Variants in ATRNL1 observed in about 807,000 individuals in gnomAD.
ATRNL1 encodes attractin like 1.
ATRNL1 carries 95 observed loss-of-function variants against 182.7 expected under a neutral mutation model. The ratio of observed to expected loss-of-function variants is 0.52; its 90% CI spans 0.44 to 0.62. The LOEUF (loss-of-function observed/expected upper bound fraction) is 0.62. ATRNL1 is among the 20% of genes least tolerant of loss of function. The pLI is 0.00. For missense variants in ATRNL1, 1,471 were observed against 1,679.5 expected (o/e 0.88, Z 2.17); for synonymous variants, 576 against 568.3 (o/e 1.01, Z -0.19).
At chr10:115,805,573 A>C (rs1949902379) in intron 27 of ATRNL1, among the ~76,000 whole-genome samples, 1 of 150,604 alleles carries the variant, frequency 6.6e-6, no homozygotes, top group Non-Finnish European at 1.5e-5. Context: ...CTAAGAGTTC[A>C]GTGAGAAGAG....
chr10:115,497,363 A>G (rs1320170338), intron 24 of ATRNL1, among the ~76,000 whole-genome samples: 2 of 152,170 alleles, frequency 1.3e-5, no homozygotes, highest in East Asian at 3.9e-4. Context: ...GCAGAGTGCA[A>G]AAAGCCTGTG....
chr10:115,635,167 T>C (rs1231453086), intron 26 of ATRNL1, among the ~76,000 whole-genome samples: 4 of 152,254 alleles, frequency 2.6e-5, no homozygotes, highest in African/African-American at 7.2e-5. Flanking sequence ...TAAGAACTTA[T>C]CTTCGTCAAA....
At chr10:115,658,090 C>CTTTTT (rs71010038) in intron 26 of ATRNL1, among the ~76,000 whole-genome samples, 36 of 90,280 alleles carry the variant, frequency 4.0e-4, no homozygotes, top group African/African-American at 5.6e-4. Flanking sequence ...AATTTTTTTC[C>CTTTTT]TTTTTTTTTT....
At chr10:115,623,696 A>T (rs1051435484) in intron 26 of ATRNL1, among the ~76,000 whole-genome samples, 6 of 152,168 alleles carry the variant, frequency 3.9e-5, no homozygotes, top group Non-Finnish European at 8.8e-5. Context: ...CAGTTTTTTT[A>T]AAAATACTAA....
chr10:115,822,816 G>A (rs1950335719), intron 27 of ATRNL1, among the ~76,000 whole-genome samples: 1 of 152,012 alleles, frequency 6.6e-6, no homozygotes, highest in African/African-American at 2.4e-5. Context: ...AAAAGCCCAG[G>A]ACCAGATGGG....
chr10:115,349,154 C>G (rs1856113744), intron 19 of ATRNL1, among the ~76,000 whole-genome samples: 1 of 152,186 alleles, frequency 6.6e-6, no homozygotes, highest in Non-Finnish European at 1.5e-5. Flanking sequence ...CCATTTCATT[C>G]ACTACCTCCA....
chr10:115,840,679 A>G (rs1589588412), intron 27 of ATRNL1, among the ~76,000 whole-genome samples: 1 of 152,076 alleles, frequency 6.6e-6, no homozygotes, highest in Non-Finnish European at 1.5e-5. Flanking sequence ...CTCAATGCTT[A>G]AAAAGGAAAA....
chr10:115,431,580 A>T (rs1464730794), intron 21 of ATRNL1, among the ~76,000 whole-genome samples: 1 of 151,980 alleles, frequency 6.6e-6, no homozygotes, highest in Non-Finnish European at 1.5e-5. Context: ...TTTTTTATTT[A>T]TTCCCTTTAC....
intron 27 of ATRNL1, among the ~76,000 whole-genome samples, chr10:115,729,993 A>C (rs943002915): frequency 3.3e-5 from 5 of 151,664 alleles, no homozygotes; most frequent in African/African-American, 1.2e-4. Flanking sequence ...ATGGTGGCTC[A>C]CTCCTGTAAT....
chr10:115,661,699 C>A (rs1555037815), intron 26 of ATRNL1, among the ~76,000 whole-genome samples: 1 of 152,140 alleles, frequency 6.6e-6, no homozygotes. Flanking sequence ...AACTTAAGAT[C>A]AGAAGTAATC....
At chr10:115,102,643 C>T (rs1474931367) in intron 1 of ATRNL1, among the ~76,000 whole-genome samples, 3 of 151,898 alleles carry the variant, frequency 2.0e-5, no homozygotes, top group Non-Finnish European at 4.4e-5. Context: ...GAGGTTTTGC[C>T]ATGTTGGCCA....
At chr10:115,840,328 T>A (rs12249845) in intron 27 of ATRNL1, among the ~76,000 whole-genome samples, 1 of 152,156 alleles carries the variant, frequency 6.6e-6, no homozygotes, top group East Asian at 1.9e-4. Flanking sequence ...AAAAATATGG[T>A]CTATGTCCTC....
At chr10:115,836,361 T>C (rs1295385910) in intron 27 of ATRNL1, among the ~76,000 whole-genome samples, 2 of 152,206 alleles carry the variant, frequency 1.3e-5, no homozygotes, top group Admixed American at 1.3e-4. Context: ...TTGGCCATTC[T>C]GTTGAAGGTT....
In ATRNL1 at chr10:115,882,383, G is replaced by A. The variant is rs572614593; in HGVS notation, c.4018+34392G>A. ...CTGCCTAAATAAGTGGCCTTAAGAC[G>A]CCCCTAACCCAGGTTCTGACACCCA... On this transcript the variant is annotated intron_variant, in intron 28 of 28. Transcript: ENST00000355044. 3.9e-5 allele frequency among the ~76,000 whole-genome samples: 6 copies of A among 152,240 alleles called. No homozygotes were observed. In the East Asian group the frequency reaches 7.7e-4, roughly 20 times the overall value.
chr10:115,538,067 T>C (rs1360858123), intron 25 of ATRNL1, among the ~76,000 whole-genome samples: 1 of 152,246 alleles, frequency 6.6e-6, no homozygotes, highest in Non-Finnish European at 1.5e-5. Flanking sequence ...TATTTCATTA[T>C]ATGGATATAT....
chr10:115,356,173 A>G (rs950023975), intron 19 of ATRNL1, among the ~76,000 whole-genome samples: 5 of 152,072 alleles, frequency 3.3e-5, no homozygotes, highest in African/African-American at 7.2e-5. Context: ...ATTCTCACAC[A>G]TTGTAGATTA....
intron 26 of ATRNL1, among the ~76,000 whole-genome samples, chr10:115,585,387 T>C (rs1207044363): frequency 2.6e-5 from 3 of 115,992 alleles, no homozygotes; most frequent in Non-Finnish European, 3.7e-5. Context: ...GGAGTCTAAG[T>C]CTCTTTGTAG....
chr10:115,366,576 G>T lies in ATRNL1; in HGVS notation c.3176-28083G>T, dbSNP rs1207651542. On this transcript the variant is annotated intron_variant, in intron 19 of 28. Transcript: ENST00000355044. ...TCCTGTCATTATGATGTTAGCTGGTGATTTTGCTCGTTAGTTGATGCAGTT... is the reference window on the plus strand; with the variant it reads ...TCCTGTCATTATGATGTTAGCTGGTTATTTTGCTCGTTAGTTGATGCAGTT... Among the ~76,000 whole-genome samples, 737 of 150,250 alleles carry T rather than the reference G, an allele frequency of 4.9e-3. 6 individuals carry two copies. Among genetic ancestry groups the T allele is most frequent in the African/African-American group, 0.016 (643 of 40,808 alleles).
chr10:115,401,996 G>A (rs1844587912), intron 20 of ATRNL1, among the ~76,000 whole-genome samples: 2 of 152,090 alleles, frequency 1.3e-5, no homozygotes, highest in African/African-American at 4.8e-5. Context: ...TATCTCTTAA[G>A]AGGTATCTCA....
Sources: allele counts gnomAD v4.1 joint callset (sites outside exome capture counted in the v4.1 genomes callset), GRCh38; gene constraint gnomAD v4.1.1; transcripts MANE v1.5; gene names NCBI Gene and HGNC (gene_info 2026-07-23, HGNC 2026-07-21).